KLF12: variants seen among roughly 807,000 people sequenced by gnomAD.
KLF12 encodes KLF transcription factor 12.
Under a neutral mutation model 37.8 loss-of-function variants are expected in KLF12, and 9 were observed. The ratio of observed to expected loss-of-function variants is 0.24; its 90% CI spans 0.14 to 0.42. KLF12 has a LOEUF of 0.42. Among genes scored for constraint, KLF12 ranks in the 10% least tolerant of loss-of-function variants. The probability of loss-of-function intolerance (pLI) is 1.00; values close to 1 mark genes in which losing one functional copy is unlikely to be tolerated. For missense variants in KLF12, 411 were observed against 516.0 expected, an observed-to-expected ratio of 0.80 and a Z score of 1.97; for synonymous variants, 208 against 202.1, an observed-to-expected ratio of 1.03 and a Z score of -0.25.
chr13:73,866,800 A>C (rs968082682), intron 3 of KLF12, among the ~76,000 whole-genome samples: 3 of 151,646 alleles, frequency 2.0e-5, no homozygotes, highest in African/African-American at 7.3e-5. Flanking sequence ...CATAAATCTA[A>C]CTGAGTAATG....
At chr13:74,110,049 A>G (rs1876887096) in intron 1 of KLF12, among the ~76,000 whole-genome samples, 1 of 152,194 alleles carries the variant, frequency 6.6e-6, no homozygotes, top group Non-Finnish European at 1.5e-5. Flanking sequence ...CAATGCTTAC[A>G]AGATTTTCAA....
At chr13:74,140,732 A>C in the KLF12 span, among the ~76,000 whole-genome samples, 1 of 152,214 alleles carries the variant, frequency 6.6e-6, no homozygotes, top group South Asian at 2.1e-4. Flanking sequence ...AAATCATGAG[A>C]AACTGATATC....
In KLF12 at chr13:73,687,338, C is replaced by T. The variant is rs980590172; in HGVS notation, c.*8152G>A. On this transcript the variant is annotated 3_prime_UTR_variant, in exon 8 of 8. Transcript: ENST00000377669. ...TGAACAAAACAATACAGTCACTACC[C>T]CACAGGGGGACAGTGATTTTTCAAA... The T allele has an allele frequency of 1.3e-5, 2 of 152,574 alleles. No homozygotes were observed. The highest frequency in any genetic ancestry group is 6.5e-5 in the Admixed American group (1 of 15,272). The allele number at this position is 152,574 out of a possible 1,614,324, so 9.5% of individuals were successfully genotyped here.
the KLF12 span, among the ~76,000 whole-genome samples, chr13:74,305,909 A>G: frequency 6.6e-6 from 1 of 152,094 alleles, no homozygotes; most frequent in African/African-American, 2.4e-5. Context: ...GAGATAGTAA[A>G]ATAGACCAGA....
chr13:73,924,875 G>A (rs758327404), intron 3 of KLF12, among the ~76,000 whole-genome samples: 2 of 152,172 alleles, frequency 1.3e-5, no homozygotes, highest in African/African-American at 2.4e-5. Flanking sequence ...CTGATATGGA[G>A]TAAGTTTGAG....
At chr13:73,918,781 T>C (rs375862788) in intron 3 of KLF12, among the ~76,000 whole-genome samples, 1 of 152,174 alleles carries the variant, frequency 6.6e-6, no homozygotes, top group South Asian at 2.1e-4. Flanking sequence ...ACCCCAGAAG[T>C]GTTAAGAGAA....
At chr13:73,696,444 G>A (rs543316608) in intron 7 of KLF12, among the ~76,000 whole-genome samples, 5 of 152,266 alleles carry the variant, frequency 3.3e-5, no homozygotes, top group Admixed American at 3.3e-4. Context: ...AGGCTGTGCT[G>A]GGAAAAGATA....
intron 3 of KLF12, among the ~76,000 whole-genome samples, chr13:73,847,447 A>T (rs1885092040): frequency 6.6e-6 from 1 of 152,152 alleles, no homozygotes; most frequent in Non-Finnish European, 1.5e-5. Context: ...ATTCCCCCTA[A>T]AACTTCGGCA....
intron 5 of KLF12, among the ~76,000 whole-genome samples, chr13:73,796,507 C>CTGTGTGTG (rs5804694): frequency 0.03 from 4,252 of 140,286 alleles, 86 homozygotes; most frequent in Middle Eastern, 0.072. Flanking sequence ...TGCCCCTGTG[C>CTGTGTGTG]TGTGTGTGTG....
chr13:73,835,238 G>A (rs1462833892), intron 4 of KLF12, among the ~76,000 whole-genome samples: 5 of 151,972 alleles, frequency 3.3e-5, no homozygotes, highest in African/African-American at 7.3e-5. Flanking sequence ...AAATCCGGGG[G>A]CATGGAAGAA....
At chr13:73,796,912 C>T (rs1882004916) in intron 5 of KLF12, among the ~76,000 whole-genome samples, 1 of 151,892 alleles carries the variant, frequency 6.6e-6, no homozygotes, top group African/African-American at 2.4e-5. Context: ...AAACATTATG[C>T]AATGAAAGAA....
the KLF12 span, among the ~76,000 whole-genome samples, chr13:74,219,777 G>C: frequency 6.6e-6 from 1 of 152,152 alleles, no homozygotes; most frequent in East Asian, 1.9e-4. Context: ...TAAGATTGCT[G>C]GTGTTGAGGA....
In KLF12 at chr13:73,735,951, C is replaced by CTTT. The variant is rs542835566; in HGVS notation, c.870-20429_870-20427dup. 7.5e-3 allele frequency among the ~76,000 whole-genome samples: 992 copies of CTTT among 132,822 alleles called. 11 individuals carry two copies. Among genetic ancestry groups the CTTT allele is most frequent in the African/African-American group, 0.023 (808 of 35,616 alleles). 87.1% of individuals were successfully genotyped at this position (132,822 alleles called of 152,430 possible). ...CTGTATGCACTGATTTTCTTTCTTT[C>CTTT]TTTTTCTTTTTTTTTTTACCTGCTT... On this transcript the variant is annotated intron_variant, in intron 6 of 7. Transcript: ENST00000377669.
intron 5 of KLF12, among the ~76,000 whole-genome samples, chr13:73,809,272 C>T (rs958012460): frequency 2.0e-5 from 3 of 151,770 alleles, no homozygotes; most frequent in African/African-American, 7.3e-5. Context: ...TTATTTAATA[C>T]ATTAAGTTTA....
At chr13:73,769,761 C>T (rs2138108044) in intron 5 of KLF12, among the ~76,000 whole-genome samples, 1 of 152,298 alleles carries the variant, frequency 6.6e-6, no homozygotes, top group Middle Eastern at 3.4e-3. Context: ...TGGAATTATT[C>T]ACTCAGTTGC....
At position 73,691,096 on chromosome 13, in the gene KLF12, A is replaced by C. The variant is rs1475944180; in HGVS notation, c.*4394T>G. ...TTTCCTAATAAGGTAAGTAACTCACATTTCTAGACAGCACGGATTATTACA... is the reference window on the plus strand; with the variant it reads ...TTTCCTAATAAGGTAAGTAACTCACCTTTCTAGACAGCACGGATTATTACA... On this transcript the variant is annotated 3_prime_UTR_variant, in exon 8 of 8. Transcript: ENST00000377669. The C allele has an allele frequency of 1.3e-5, 2 of 152,620 alleles. No individual in the cohort carries two copies. The highest frequency in any genetic ancestry group is 2.9e-5 in the Non-Finnish European group (2 of 68,036). The allele number at this position is 152,620 out of a possible 1,614,324, so 9.5% of individuals were successfully genotyped here.
intron 1 of KLF12, among the ~76,000 whole-genome samples, chr13:74,111,960 A>C (rs1159749363): frequency 6.6e-6 from 1 of 152,180 alleles, no homozygotes; most frequent in Non-Finnish European, 1.5e-5. Flanking sequence ...GCTTCAACCA[A>C]TCATATTTTG....
chr13:73,918,923 T>A (rs1374857204), intron 3 of KLF12, among the ~76,000 whole-genome samples: 1 of 152,204 alleles, frequency 6.6e-6, no homozygotes, highest in Non-Finnish European at 1.5e-5. Flanking sequence ...ACCTGAAACA[T>A]GTCATTACCT....
At chr13:73,818,006 C>T (rs1406469350) in intron 4 of KLF12, among the ~76,000 whole-genome samples, 1 of 152,250 alleles carries the variant, frequency 6.6e-6, no homozygotes, top group Non-Finnish European at 1.5e-5. Flanking sequence ...GCATCATTTA[C>T]TTTTCAATTC....
Sources: allele counts gnomAD v4.1 joint callset (sites outside exome capture counted in the v4.1 genomes callset), GRCh38; gene constraint gnomAD v4.1.1; transcripts MANE v1.5; gene names NCBI Gene and HGNC (gene_info 2026-07-23, HGNC 2026-07-21).